Variants in CERS5 observed in about 807,000 individuals in gnomAD.
CERS5 encodes the protein LAG1 homolog, ceramide synthase 5.
CERS5 carries 37 observed loss-of-function variants against 58.9 expected under a neutral mutation model. The ratio of observed to expected loss-of-function variants is 0.63; its 90% CI spans 0.48 to 0.83. The LOEUF (loss-of-function observed/expected upper bound fraction) is 0.83. Among genes scored for constraint, CERS5 ranks in the 40% least tolerant of loss-of-function variants. The probability of loss-of-function intolerance (pLI) is 0.00; values close to 1 mark genes in which losing one functional copy is unlikely to be tolerated. For missense variants in CERS5, 398 were observed against 489.3 expected, an observed-to-expected ratio of 0.81 and a Z score of 1.76; for synonymous variants, 147 against 177.8, an observed-to-expected ratio of 0.83 and a Z score of 1.38.
chr12:50,135,981 A>G lies in CERS5; in HGVS notation c.725T>C (p.Leu242Pro). 1.3e-6 allele frequency: 2 copies of G among 1,526,612 alleles called. No individual in the cohort carries two copies. The highest frequency in any genetic ancestry group is 1.3e-5 in the South Asian group (1 of 74,586). The allele number at this position is 1,526,612 out of a possible 1,614,324, so 94.6% of individuals were successfully genotyped here. Residue 242 changes from leucine (L) to proline (P), a missense_variant, in exon 7 of 10, where the codon CTG becomes CCG. Leu to Pro is a moderately conservative substitution (Grantham distance 98, BLOSUM62 -3). Around this residue, in one of 3 missense-constraint regions of CERS5, gnomAD observed 328 missense variants for 384.5 expected, o/e 0.85. Transcript: ENST00000317551. ...TGAGACATCATGTAGACACATGATCAGAGTTCCCACTCGAACCATATTGTT... is the reference window on the plus strand; with the variant it reads ...TGAGACATCATGTAGACACATGATCGGAGTTCCCACTCGAACCATATTGTT... ...YINNMVRVGTLIMCLHDVSDF... is the reference protein window; with the variant it reads ...YINNMVRVGTPIMCLHDVSDF...
chr12:50,165,441 G>GAAAAAA (rs58167504), intron 1 of CERS5: 2 of 145,368 alleles, frequency 1.4e-5, no homozygotes, highest in African/African-American at 5.1e-5. Flanking sequence ...AAAAGAAAAA[G>GAAAAAA]AAAAAAAAAA....
intron 9 of CERS5, chr12:50,133,641 G>T: frequency 2.0e-6 from 2 of 985,510 alleles, no homozygotes; most frequent in Non-Finnish European, 2.4e-6. Context: ...ATCCACTGAA[G>T]CAGGTAGGTA....
Position 50,153,917 on chromosome 12 carries a change from G to T in CERS5, c.198-9860C>A, listed in dbSNP as rs114821926. 1,660 of 379,880 alleles carry T rather than the reference G, an allele frequency of 4.4e-3. 21 individuals carry two copies. The highest frequency in any genetic ancestry group is 0.026 in the African/African-American group (1,213 of 46,196). 23.5% of individuals were successfully genotyped at this position (379,880 alleles called of 1,614,324 possible). ...TGCAGTGAGCTGTGACTGCACCATT[G>T]GACTCCAGCCTGGGCGACAAGAGCA... On this transcript the variant is annotated intron_variant, in intron 1 of 9. Transcript: ENST00000317551.
intron 7 of CERS5, 48 bp from the exon 8 acceptor site, chr12:50,135,886 C>T: frequency 1.9e-6 from 3 of 1,589,720 alleles, no homozygotes; most frequent in Non-Finnish European, 2.6e-6. Flanking sequence ...TCATTCCTCA[C>T]ATAGGAAGAA....
intron 1 of CERS5, among the ~76,000 whole-genome samples, chr12:50,162,519 T>C (rs1351176450): frequency 6.6e-6 from 1 of 151,930 alleles, no homozygotes; most frequent in Non-Finnish European, 1.5e-5. Flanking sequence ...AATGAGAAAA[T>C]GTATGCAAGG....
chr12:50,143,207 G>A lies in CERS5; in HGVS notation c.304-3C>T, dbSNP rs747111369. Reference sequence around the variant, plus strand: ...TCCAGCCTTTTCTTATCAGGATACTGTGAATGTATAACCAGAGTCAGAACA... The same window carrying A: ...TCCAGCCTTTTCTTATCAGGATACTATGAATGTATAACCAGAGTCAGAACA... On this transcript the variant is annotated splice_polypyrimidine_tract_variant and splice_region_variant and intron_variant, in intron 2 of 9. Transcript: ENST00000317551. The A allele has an allele frequency of 1.2e-6, 2 of 1,613,998 alleles. No individual in the cohort carries two copies. Among genetic ancestry groups the A allele is most frequent in the South Asian group, 2.2e-5 (2 of 91,058 alleles).
rs369457152 is a variant in CERS5, at chr12:50,155,410, A to G, written c.198-11353T>C. ...AACATTTCTTGCATGGTCTGTGCTC[A>G]AGTGATCTTTGCAGCTTCCTTTGAG... On this transcript the variant is annotated intron_variant, in intron 1 of 9. Coordinates refer to ENST00000317551, the MANE Select transcript of CERS5 (RefSeq NM_147190.5). Among the ~76,000 whole-genome samples, 14 of 152,018 alleles carry G rather than the reference A, an allele frequency of 9.2e-5. No homozygotes were observed. In the South Asian group the frequency reaches 2.7e-3, roughly 29 times the overall value.
intron 1 of CERS5, among the ~76,000 whole-genome samples, chr12:50,156,594 A>C (rs796178892): frequency 2.6e-5 from 4 of 151,600 alleles, no homozygotes; most frequent in African/African-American, 9.7e-5. Context: ...AGCTTAATAC[A>C]TACTTAAAAA....
In CERS5 at chr12:50,167,124, G is replaced by A; in HGVS notation, c.174C>T (p.Phe58=). The part of the protein sequence containing the change: ...LSVFPLAAGI[F]FVRLLFERFI... ...ACCGCTCGAAGAGCAGCCTCACGAA[G>A]AAGATGCCCGCCGCCAGCGGGAACA... Residue 58 remains phenylalanine, a synonymous_variant, in exon 1 of 10, where the codon TTC becomes TTT. Coordinates refer to ENST00000317551, the MANE Select transcript of CERS5 (RefSeq NM_147190.5). 1 of 1,561,406 alleles carries A rather than the reference G, an allele frequency of 6.4e-7. No individual in the cohort carries two copies. Among genetic ancestry groups the A allele is most frequent in the Non-Finnish European group, 8.6e-7 (1 of 1,158,504 alleles).
chr12:50,150,083 G>C (rs1054277380), intron 1 of CERS5, among the ~76,000 whole-genome samples: 7 of 152,172 alleles, frequency 4.6e-5, no homozygotes, highest in African/African-American at 1.7e-4. Context: ...TTTCCAGATT[G>C]AGAAGTACCA....
At chr12:50,141,704 C>T (rs1222648780) in intron 4 of CERS5, among the ~76,000 whole-genome samples, 3 of 151,940 alleles carry the variant, frequency 2.0e-5, no homozygotes, top group Non-Finnish European at 2.9e-5. Context: ...TTTGGGAGGC[C>T]AAGGCGGGTG....
rs772121671 is a variant in CERS5, at chr12:50,143,097, C to T, written c.411G>A (p.Thr137=). Residue 137 remains threonine (T), a synonymous_variant, in exon 3 of 10, where the codon ACG becomes ACA. Coordinates refer to ENST00000317551, the MANE Select transcript of CERS5 (RefSeq NM_147190.5). ...RHRRNQDKPP[T]LTKFCESMWR... is the part of the protein sequence containing the mutation. ...ACATGCTTTCACAGAATTTAGTAAG[C>T]GTTGGGGGCTTGTCCTGATTCCTCC... 8 of 1,611,988 alleles carry T rather than the reference C, an allele frequency of 5.0e-6. No homozygotes were observed. Among genetic ancestry groups the T allele is most frequent in the South Asian group, 4.4e-5 (4 of 90,826 alleles).
intron 8 of CERS5, chr12:50,135,496 G>A (rs1471631574): frequency 1.4e-6 from 1 of 690,150 alleles, no homozygotes. Flanking sequence ...ACCAAGCCGG[G>A]TACTCTGAGT....
chr12:50,138,621 A>G lies in CERS5; in HGVS notation c.493-4T>C. 1 of 1,612,302 alleles carries G rather than the reference A, an allele frequency of 6.2e-7. No homozygotes were observed. The highest frequency in any genetic ancestry group is 8.5e-7 in the Non-Finnish European group (1 of 1,178,394). The stretch of plus-strand genomic sequence containing the variant: ...GGATGTCCCAGAACCAAGGTGACTA[A>G]GAGAAAACAGATAATCCATGTCAGT... On this transcript the variant is annotated splice_polypyrimidine_tract_variant and splice_region_variant and intron_variant, in intron 4 of 9. Transcript: ENST00000317551.
At chr12:50,153,600 G>C (rs998997764) in intron 1 of CERS5, among the ~76,000 whole-genome samples, 1 of 152,108 alleles carries the variant, frequency 6.6e-6, no homozygotes, top group South Asian at 2.1e-4. Flanking sequence ...TGACATGTGG[G>C]ACATTTGCAT....
intron 1 of CERS5, among the ~76,000 whole-genome samples, chr12:50,156,123 C>T (rs1397841664): frequency 3.1e-5 from 4 of 129,884 alleles, no homozygotes; most frequent in African/African-American, 5.9e-5. Context: ...AAAAAAAGGC[C>T]GGCCGTGGTG....
intron 9 of CERS5, 124 bp downstream of exon 9, chr12:50,134,422 C>T (rs954083204): frequency 6.2e-7 from 1 of 1,604,144 alleles, no homozygotes. Context: ...GACTTTGGAG[C>T]CCTAGGCTTT....
chr12:50,156,099 C>CAAA lies in CERS5; in HGVS notation c.197+10999_197+11001dup, dbSNP rs34616031. ...TGGGCGACAGAGCGACATTCTGTCT[C>CAAA]AAAAAAAAAAAAAAAAAAAAGGCCG... On this transcript the variant is annotated intron_variant, in intron 1 of 9. Transcript: ENST00000317551. Among the ~76,000 whole-genome samples, 20 of 48,936 alleles carry CAAA rather than the reference C, an allele frequency of 4.1e-4. 1 individual carries two copies. The highest frequency in any genetic ancestry group is 1.2e-3 in the African/African-American group (12 of 10,198). The allele number at this position is 48,936 out of a possible 152,430, so 32.1% of individuals were successfully genotyped here.
At chr12:50,159,287 C>CT (rs1398083993) in intron 1 of CERS5, among the ~76,000 whole-genome samples, 19 of 152,136 alleles carry the variant, frequency 1.2e-4, no homozygotes, top group Non-Finnish European at 2.4e-4. Flanking sequence ...CGCCACTGCA[C>CT]TACAGCCTGG....
Sources: gnomAD v4.1 joint callset for allele counts (sites outside exome capture counted in the v4.1 genomes callset) on GRCh38, gnomAD v4.1.1 for gene constraint, gnomAD v4.1.1 regional missense constraint, MANE v1.5 for transcripts, NCBI Gene and HGNC (gene_info 2026-07-23, HGNC 2026-07-21) for gene names.